Variants in ZNF529 observed in about 807,000 individuals in gnomAD.
ZNF529 encodes zinc finger protein 529.
Under a neutral mutation model 10.1 loss-of-function variants are expected in ZNF529, and 11 were observed. The ratio of observed to expected loss-of-function variants is 1.09; its 90% confidence interval spans 0.69 to 1.81. The LOEUF (loss-of-function observed/expected upper bound fraction) is 1.81, where lower values mean the gene tolerates loss of function less well. Ranked by LOEUF, ZNF529 falls within the 40% of genes most tolerant of loss-of-function variation. ZNF529 has a pLI of 0.00. For missense variants in ZNF529, 624 were observed against 666.8 expected, an observed-to-expected ratio of 0.94 and a Z score of 0.71; for synonymous variants, 204 against 215.7, an observed-to-expected ratio of 0.95 and a Z score of 0.47.
At chr19:36,600,421 T>C (rs2145295061) in intron 1 of ZNF529, among the ~76,000 whole-genome samples, 1 of 152,334 alleles carries the variant, frequency 6.6e-6, no homozygotes, top group East Asian at 1.9e-4. Context: ...ATTTAGCAAT[T>C]CATTGTGTAC....
chr19:36,562,096 G>C (rs2035720479), intron 2 of ZNF529, among the ~76,000 whole-genome samples: 1 of 152,140 alleles, frequency 6.6e-6, no homozygotes, highest in Admixed American at 6.5e-5. Flanking sequence ...AAATTAGCCA[G>C]GAATGGTGGT....
At chr19:36,552,481 C>T (rs890742698) in intron 4 of ZNF529, among the ~76,000 whole-genome samples, 1 of 152,086 alleles carries the variant, frequency 6.6e-6, no homozygotes, top group African/African-American at 2.4e-5. Flanking sequence ...AAAGTAAAAA[C>T]CCACAGGCTT....
chr19:36,602,862 G>A (rs182925686), intron 1 of ZNF529, among the ~76,000 whole-genome samples: 6 of 151,688 alleles, frequency 4.0e-5, no homozygotes, highest in Non-Finnish European at 8.8e-5. Context: ...CCCAGAAGGC[G>A]GAGGTTTCAG....
intron 4 of ZNF529, among the ~76,000 whole-genome samples, chr19:36,550,308 C>A (rs544227045): frequency 6.6e-6 from 1 of 152,226 alleles, no homozygotes; most frequent in East Asian, 1.9e-4. Context: ...TTTGAGAGGC[C>A]AAGGTGTGCG....
chr19:36,598,057 G>A (rs2036867425), intron 1 of ZNF529, among the ~76,000 whole-genome samples: 1 of 152,134 alleles, frequency 6.6e-6, no homozygotes, highest in Non-Finnish European at 1.5e-5. Context: ...AGAGGGTCTT[G>A]GAAGCGGGTA....
At chr19:36,572,050 TTCTACTTAATCAC>T (rs1482492870) in intron 2 of ZNF529, among the ~76,000 whole-genome samples, 1 of 147,472 alleles carries the variant, frequency 6.8e-6, no homozygotes, top group African/African-American at 2.5e-5. Flanking sequence ...TAGTGTGCCA[TTCTACTTAATCAC>T]TCGTCTCCTC....
intron 1 of ZNF529, among the ~76,000 whole-genome samples, chr19:36,599,624 A>G (rs2039768738): frequency 6.6e-6 from 1 of 152,232 alleles, no homozygotes; most frequent in Non-Finnish European, 1.5e-5. Context: ...TAATAAAACT[A>G]TGAGTACTTA....
At chr19:36,592,992 G>A (rs569400547) in intron 1 of ZNF529, among the ~76,000 whole-genome samples, 1 of 152,144 alleles carries the variant, frequency 6.6e-6, no homozygotes, top group African/African-American at 2.4e-5. Context: ...CTATAATATA[G>A]TGATGAAATA....
chr19:36,545,803 C>A lies in ZNF529; in HGVS notation c.*1063G>T, dbSNP rs962917079. ...AAGTTCAGTGGTCATTTTTTCTCCC[C>A]TTTTAAAGGTGTTTGACAAATTTTA... On this transcript the variant is annotated 3_prime_UTR_variant, in exon 5 of 5. Transcript: ENST00000591340. 2.0e-5 allele frequency: 3 copies of A among 151,846 alleles called. No homozygotes were observed. Among genetic ancestry groups the A allele is most frequent in the Non-Finnish European group, 4.4e-5 (3 of 67,944 alleles). The allele number at this position is 151,846 out of a possible 1,614,324, so 9.4% of individuals were successfully genotyped here.
chr19:36,552,700 A>G (rs1463588400), intron 4 of ZNF529, among the ~76,000 whole-genome samples: 2 of 152,204 alleles, frequency 1.3e-5, no homozygotes, highest in Non-Finnish European at 2.9e-5. Flanking sequence ...TGCTTACAAC[A>G]AAGAAATGTA....
chr19:36,584,300 G>T (rs945313615), intron 2 of ZNF529, among the ~76,000 whole-genome samples: 20 of 152,032 alleles, frequency 1.3e-4, no homozygotes, highest in Non-Finnish European at 7.4e-5. Context: ...CTCACTGGAA[G>T]AATTTCTAAA....
In ZNF529 at chr19:36,543,952, C is replaced by G. The variant is rs1005180724; in HGVS notation, c.*2914G>C. The G allele has an allele frequency of 1.3e-5, 2 of 150,480 alleles. No homozygotes were observed. The highest frequency in any genetic ancestry group is 2.9e-5 in the Non-Finnish European group (2 of 67,824). 9.3% of individuals were successfully genotyped at this position (150,480 alleles called of 1,614,324 possible). On this transcript the variant is annotated 3_prime_UTR_variant, in exon 5 of 5. Coordinates refer to ENST00000591340, the MANE Select transcript of ZNF529 (RefSeq NM_020951.5). ...CTCAGTCACAGACTCTTTACCTGTC[C>G]CTAACATACATATATTAGTTGCCAT...
At chr19:36,578,401 G>T (rs1366171418) in intron 2 of ZNF529, among the ~76,000 whole-genome samples, 1 of 139,670 alleles carries the variant, frequency 7.2e-6, no homozygotes, top group Non-Finnish European at 1.5e-5. Context: ...CGCCTCCCGG[G>T]TTCACGCTAT....
intron 1 of ZNF529, among the ~76,000 whole-genome samples, chr19:36,601,352 C>T (rs1247387856): frequency 6.6e-6 from 1 of 151,986 alleles, no homozygotes; most frequent in Non-Finnish European, 1.5e-5. Context: ...GATCCGCCTG[C>T]CTCGGCCTCC....
intron 1 of ZNF529, among the ~76,000 whole-genome samples, chr19:36,592,954 C>G (rs2036757809): frequency 6.6e-6 from 1 of 152,048 alleles, no homozygotes; most frequent in African/African-American, 2.4e-5. Flanking sequence ...AGAACTTGTT[C>G]AATTTGATAG....
At chr19:36,591,302 A>C (rs1487049214) in intron 1 of ZNF529, among the ~76,000 whole-genome samples, 4 of 151,706 alleles carry the variant, frequency 2.6e-5, no homozygotes, top group Non-Finnish European at 5.9e-5. Context: ...CGTCTCAAAA[A>C]AAAAAAAAAA....
In ZNF529 at chr19:36,545,010, G is replaced by A. The variant is rs996464188; in HGVS notation, c.*1856C>T. The A allele has an allele frequency of 5.9e-5, 9 of 152,084 alleles. No homozygotes were observed. Among genetic ancestry groups the A allele is most frequent in the African/African-American group, 2.2e-4 (9 of 41,398 alleles). 9.4% of individuals were successfully genotyped at this position (152,084 alleles called of 1,614,324 possible). A position where few individuals can be genotyped will look rare whatever the true frequency, so the allele number is the denominator to read the frequency against. On this transcript the variant is annotated 3_prime_UTR_variant, in exon 5 of 5. Coordinates refer to ENST00000591340, the MANE Select transcript of ZNF529 (RefSeq NM_020951.5). ...GGAGGCCGAGGCAGGGGGATCACAA[G>A]GTCAGGAAATCGAGACTGTCTTGGC...
In ZNF529 at chr19:36,578,467, G is replaced by A. The variant is rs984588427; in HGVS notation, c.-41+11148C>T. ...ACTATAGGTGCCCGCCACGATGCCC[G>A]GCTAATTTTTTGTATTTTTAGTAGA... On this transcript the variant is annotated intron_variant, in intron 2 of 4. Coordinates refer to the ZNF529 transcript ENST00000585960. 2.3e-4 allele frequency among the ~76,000 whole-genome samples: 34 copies of A among 149,996 alleles called. 1 individual carries two copies. The highest frequency in any genetic ancestry group is 3.6e-3 in the Middle Eastern group (1 of 278).
upstream of ZNF529, among the ~76,000 whole-genome samples, chr19:36,576,907 C>T (rs1309486247): frequency 6.6e-6 from 1 of 151,538 alleles, no homozygotes; most frequent in Non-Finnish European, 1.5e-5. Context: ...AAAGCCTCAT[C>T]ATGTCCACAT....
Sources: gnomAD v4.1 joint callset for allele counts (sites outside exome capture counted in the v4.1 genomes callset) on GRCh38, gnomAD v4.1.1 for gene constraint, MANE v1.5 for transcripts, NCBI Gene and HGNC (gene_info 2026-07-23, HGNC 2026-07-21) for gene names.